TTPA: variants seen among roughly 807,000 people sequenced by gnomAD.
TTPA encodes alpha-tocopherol transfer protein.
TTPA carries 23 observed loss-of-function variants against 25.9 expected under a neutral mutation model. That is an observed-to-expected ratio of 0.89 (90% CI 0.64 to 1.26). The LOEUF (loss-of-function observed/expected upper bound fraction) is 1.26. TTPA is among the 50% of genes most tolerant of loss of function. The pLI, the probability that TTPA is intolerant of heterozygous loss-of-function variation, is 0.00. For synonymous variants in TTPA, 148 were observed against 137.3 expected, an observed-to-expected ratio of 1.08 and a Z score of -0.54; for missense variants, 337 against 353.1, an observed-to-expected ratio of 0.95 and a Z score of 0.37.
intron 1 of TTPA, among the ~76,000 whole-genome samples, chr8:63,082,098 A>G (rs1289877856): frequency 6.6e-6 from 1 of 152,334 alleles, no homozygotes; most frequent in East Asian, 1.9e-4. Context: ...TGCCATCCCC[A>G]TCAAGCTACC....
intron 2 of TTPA, among the ~76,000 whole-genome samples, chr8:63,069,300 A>G (rs1805446063): frequency 6.6e-6 from 1 of 152,190 alleles, no homozygotes; most frequent in Admixed American, 6.5e-5. Flanking sequence ...TTAAAAAAAA[A>G]AAAAAGAACA....
At position 63,064,208 on chromosome 8, in the gene TTPA, G is replaced by A. The variant is rs35916840; in HGVS notation, c.661C>T (p.Arg221Trp). The A allele has an allele frequency of 2.9e-5, 46 of 1,606,650 alleles. No individual in the cohort carries two copies. Among genetic ancestry groups the A allele is most frequent in the African/African-American group, 4.0e-5 (3 of 74,692 alleles). Reference protein sequence around the residue: ...KPFLTEKIKERIHMHGNNYKQ... With the variant: ...KPFLTEKIKEWIHMHGNNYKQ... ...AGACTTGAATATATTTTACTCACCCGTTCCTTAATTTTTTCAGTCAGGAAT... is the reference window on the plus strand; with the variant it reads ...AGACTTGAATATATTTTACTCACCCATTCCTTAATTTTTTCAGTCAGGAAT... The change falls in exon 4 of 5, where the codon CGG (arginine) becomes TGG (tryptophan). Residue 221 changes from arginine to tryptophan, a missense_variant and splice_region_variant. Transcript: ENST00000260116.
chr8:63,076,159 T>A (rs73270567), intron 1 of TTPA, among the ~76,000 whole-genome samples: 1,618 of 152,346 alleles, frequency 0.011, 32 homozygotes, highest in African/African-American at 0.037. Context: ...ACTCTTTATA[T>A]CTGTTTCTTC....
In TTPA at chr8:63,072,922, G is replaced by A; in HGVS notation, c.358+13C>T. On this transcript the variant is annotated intron_variant, in intron 2 of 4. Transcript: ENST00000260116. ...AGGAGAGGAGAAAAAAAAAAGAGTT[G>A]TGTATGACTTACCGATTCTGTAAAT... 1.9e-6 allele frequency: 3 copies of A among 1,613,888 alleles called. No homozygotes were observed. The highest frequency in any genetic ancestry group is 1.7e-6 in the Non-Finnish European group (2 of 1,179,920).
chr8:63,085,630 A>G (rs1259858967), intron 1 of TTPA, among the ~76,000 whole-genome samples, 188 bp downstream of exon 1: 1 of 152,222 alleles, frequency 6.6e-6, no homozygotes, highest in Non-Finnish European at 1.5e-5. Context: ...GAGAAACTGG[A>G]GGACCAGCTC....
At chr8:63,075,969 T>A (rs1805556563) in intron 1 of TTPA, among the ~76,000 whole-genome samples, 2 of 152,170 alleles carry the variant, frequency 1.3e-5, no homozygotes, top group Non-Finnish European at 2.9e-5. Flanking sequence ...ATATAAGGAA[T>A]TCATGAGACT....
At chr8:63,059,031 T>TTG (rs1319107776), downstream of TTPA, among the ~76,000 whole-genome samples, 1 of 124,320 alleles carries the variant, frequency 8.0e-6, no homozygotes, top group East Asian at 2.3e-4. Flanking sequence ...TTTTTTTTTT[T>TTG]TTTTTTTTTT....
At chr8:63,077,757 C>T (rs1179209649) in intron 1 of TTPA, among the ~76,000 whole-genome samples, 1 of 152,226 alleles carries the variant, frequency 6.6e-6, no homozygotes, top group African/African-American at 2.4e-5. Flanking sequence ...AGGCAGCAGA[C>T]AGCTTCTGCA....
Sources: allele counts gnomAD v4.1 joint callset (sites outside exome capture counted in the v4.1 genomes callset), GRCh38; gene constraint gnomAD v4.1.1; transcripts MANE v1.5; gene names NCBI Gene and HGNC (gene_info 2026-07-23, HGNC 2026-07-21).